Variants in STK32B observed in about 807,000 individuals in gnomAD.
The protein encoded by STK32B is serine/threonine-protein kinase 32B.
Under a neutral mutation model 52.6 loss-of-function variants are expected in STK32B, and 43 were observed. That is an observed-to-expected ratio of 0.82 (90% confidence interval 0.64 to 1.05). The LOEUF (loss-of-function observed/expected upper bound fraction) is 1.05. Ranked by LOEUF, STK32B falls within the 50% of genes least tolerant of loss-of-function variation. STK32B has a pLI of 0.00. For synonymous variants in STK32B, 238 were observed against 204.3 expected, an observed-to-expected ratio of 1.17 and a Z score of -1.41; for missense variants, 621 against 534.6, an observed-to-expected ratio of 1.16 and a Z score of -1.59.
chr4:5,422,127 G>A (rs1483018012), intron 6 of STK32B, among the ~76,000 whole-genome samples: 2 of 152,214 alleles, frequency 1.3e-5, no homozygotes, highest in African/African-American at 4.8e-5. Context: ...ATGGCCAAAT[G>A]TACAGAAGAG....
intron 11 of STK32B, among the ~76,000 whole-genome samples, chr4:5,498,167 C>T (rs983490737): frequency 1.3e-5 from 2 of 152,184 alleles, no homozygotes; most frequent in Non-Finnish European, 2.9e-5. Flanking sequence ...TAAAAATTCT[C>T]ACTGCCTCCT....
intron 1 of STK32B, among the ~76,000 whole-genome samples, chr4:5,101,306 C>T (rs1713775619): frequency 6.6e-6 from 1 of 152,080 alleles, no homozygotes; most frequent in Non-Finnish European, 1.5e-5. Context: ...CCGCAGCATG[C>T]CTTCGGGGAC....
intron 4 of STK32B, among the ~76,000 whole-genome samples, chr4:5,367,629 A>G (rs973500118): frequency 6.6e-6 from 1 of 152,222 alleles, no homozygotes; most frequent in African/African-American, 2.4e-5. Flanking sequence ...TAGGGCTGCT[A>G]AACCCTGCTG....
chr4:5,200,782 G>C (rs961128631), intron 3 of STK32B, among the ~76,000 whole-genome samples: 1 of 152,164 alleles, frequency 6.6e-6, no homozygotes, highest in Non-Finnish European at 1.5e-5. Flanking sequence ...ATTTCACCAA[G>C]CATCACATCA....
rs1258564476 is a variant in STK32B, at chr4:5,386,809, A to T, written c.435-11398A>T. 6.6e-6 allele frequency among the ~76,000 whole-genome samples: 1 copy of T among 152,202 alleles called. No homozygotes were observed. Among genetic ancestry groups the T allele is most frequent in the Non-Finnish European group, 1.5e-5 (1 of 68,032 alleles). On this transcript the variant is annotated intron_variant, in intron 4 of 11. Coordinates refer to ENST00000282908, the MANE Select transcript of STK32B (RefSeq NM_018401.3). This position sits in a 1 kb window ranked among gnomAD's most constrained non-coding sequence, Gnocchi z 4.5. ...ACCCTCCATTGGGTCCAACTCTCGG[A>T]TTCCAATAGAAGTCACGTGGATAGA...
chr4:5,487,573 C>CT (rs1282117268), intron 11 of STK32B, among the ~76,000 whole-genome samples: 1 of 152,106 alleles, frequency 6.6e-6, no homozygotes, highest in East Asian at 1.9e-4. Flanking sequence ...ACTGGGTTGA[C>CT]TTAAAGAAGA....
intron 1 of STK32B, among the ~76,000 whole-genome samples, chr4:5,128,204 C>T (rs540988633): frequency 6.6e-6 from 1 of 152,292 alleles, no homozygotes; most frequent in East Asian, 1.9e-4. Context: ...GACTTCTGGC[C>T]TCCAGAACTG....
chr4:5,279,982 G>A (rs1728086927), intron 3 of STK32B, among the ~76,000 whole-genome samples: 1 of 152,194 alleles, frequency 6.6e-6, no homozygotes, highest in Non-Finnish European at 1.5e-5. Flanking sequence ...TGTGATGGAA[G>A]GGGCTGCTGT....
chr4:5,330,420 A>C (rs779930059), intron 3 of STK32B, among the ~76,000 whole-genome samples: 29 of 152,312 alleles, frequency 1.9e-4, no homozygotes, highest in Middle Eastern at 6.8e-3. Context: ...GTACTGTATC[A>C]ATTTTCTACT....
At chr4:5,446,516 C>T (rs1045571343) in intron 6 of STK32B, among the ~76,000 whole-genome samples, 157 bp from the exon 7 acceptor site, 4 of 149,138 alleles carry the variant, frequency 2.7e-5, no homozygotes, top group Non-Finnish European at 5.9e-5. Flanking sequence ...GACATTGCGC[C>T]ATTATGTGCC....
chr4:5,221,340 A>G (rs1400675827), intron 3 of STK32B, among the ~76,000 whole-genome samples: 1 of 152,222 alleles, frequency 6.6e-6, no homozygotes, highest in Non-Finnish European at 1.5e-5. Context: ...TGAGATGTCA[A>G]GAAAATAAAA....
intron 3 of STK32B, among the ~76,000 whole-genome samples, chr4:5,317,035 A>T (rs1373976801): frequency 1.6e-4 from 4 of 24,276 alleles, no homozygotes; most frequent in Non-Finnish European, 2.4e-4. Flanking sequence ...TATATGATAT[A>T]ATATATTATA....
At chr4:5,485,776 A>C (rs554924927) in intron 11 of STK32B, among the ~76,000 whole-genome samples, 67 of 152,152 alleles carry the variant, frequency 4.4e-4, no homozygotes, top group African/African-American at 1.3e-3. Flanking sequence ...GTGTGGATGT[A>C]CTTTCTGTTT....
chr4:5,322,626 G>C (rs1466388846), intron 3 of STK32B, among the ~76,000 whole-genome samples: 4 of 152,210 alleles, frequency 2.6e-5, no homozygotes, highest in Non-Finnish European at 5.9e-5. Flanking sequence ...AATAGTTCAA[G>C]TGGCATTGTG....
chr4:5,485,182 G>A (rs915292705), intron 11 of STK32B, among the ~76,000 whole-genome samples: 1 of 152,018 alleles, frequency 6.6e-6, no homozygotes. Context: ...CCTGCAGAGT[G>A]TTTTCCAACT....
At chr4:5,432,845 A>C (rs1184459606) in intron 6 of STK32B, among the ~76,000 whole-genome samples, 39 of 152,200 alleles carry the variant, frequency 2.6e-4, no homozygotes, top group Non-Finnish European at 8.8e-5. Context: ...GTGCTTAATC[A>C]AGATATACAT....
At chr4:5,247,166 C>T (rs2108826091) in intron 3 of STK32B, among the ~76,000 whole-genome samples, 1 of 152,332 alleles carries the variant, frequency 6.6e-6, no homozygotes, top group Admixed American at 6.5e-5. Context: ...GCCCTGCCCC[C>T]AGAGGTGGAG....
chr4:5,362,168 T>G (rs1473599416), intron 4 of STK32B, among the ~76,000 whole-genome samples: 1 of 152,204 alleles, frequency 6.6e-6, no homozygotes, highest in East Asian at 1.9e-4. Flanking sequence ...GAACTCTCCG[T>G]GGTGCTGAAA....
At chr4:5,205,718 G>A (rs1352206702) in intron 3 of STK32B, among the ~76,000 whole-genome samples, 1 of 152,168 alleles carries the variant, frequency 6.6e-6, no homozygotes, top group Non-Finnish European at 1.5e-5. Flanking sequence ...GTGTGTGTGT[G>A]TGTGTGTGTG....
Sources: gnomAD v4.1 joint callset for allele counts (sites outside exome capture counted in the v4.1 genomes callset) on GRCh38, gnomAD v4.1.1 for gene constraint, Gnocchi (gnomAD v3.1) non-coding constraint, MANE v1.5 for transcripts, NCBI Gene and HGNC (gene_info 2026-07-23, HGNC 2026-07-21) for gene names.